The following CNTN3 variants were observed in gnomAD, a reference collection of about 807,000 sequenced individuals.
The protein encoded by CNTN3 is contactin 3.
A neutral mutation model predicts 119.1 loss-of-function variants in CNTN3; 60 were observed. The ratio of observed to expected loss-of-function variants is 0.50; its 90% CI spans 0.41 to 0.62. CNTN3 has a LOEUF of 0.62. Ranked by LOEUF, CNTN3 falls within the 20% of genes least tolerant of loss-of-function variation. The pLI is 0.00. For synonymous variants in CNTN3, 450 were observed against 438.7 expected, an observed-to-expected ratio of 1.03 and a Z score of -0.32; for missense variants, 1,101 against 1,242.4, an observed-to-expected ratio of 0.89 and a Z score of 1.71.
At chr3:74,489,572 T>C (rs1702924447) in intron 3 of CNTN3, among the ~76,000 whole-genome samples, 1 of 152,078 alleles carries the variant, frequency 6.6e-6, no homozygotes. Flanking sequence ...CCTGACTTCA[T>C]GAAGCTCACA....
chr3:74,415,363 G>T (rs1314030499), intron 5 of CNTN3, among the ~76,000 whole-genome samples: 1 of 152,134 alleles, frequency 6.6e-6, no homozygotes, highest in Non-Finnish European at 1.5e-5. Context: ...CCAGTTTCTC[G>T]AAGTTGTTTC....
chr3:74,555,849 C>CA, intron 1 of CNTN3, among the ~76,000 whole-genome samples: 1 of 151,918 alleles, frequency 6.6e-6, no homozygotes, highest in Admixed American at 6.6e-5. Context: ...TTGATCTTTT[C>CA]AAAAAACCAG....
chr3:74,577,654 A>G (rs1192641235), intron 1 of CNTN3, among the ~76,000 whole-genome samples: 2 of 150,554 alleles, frequency 1.3e-5, no homozygotes, highest in Admixed American at 6.6e-5. Context: ...TTTGCAACCT[A>G]TTGCCTTTTT....
intron 4 of CNTN3, among the ~76,000 whole-genome samples, chr3:74,474,649 G>A (rs913109009): frequency 2.6e-5 from 4 of 151,966 alleles, no homozygotes; most frequent in Admixed American, 1.3e-4. Flanking sequence ...ATAAGCCACC[G>A]TGCCCAACTG....
intron 11 of CNTN3, among the ~76,000 whole-genome samples, chr3:74,338,810 A>G (rs1240487224): frequency 6.6e-6 from 1 of 152,104 alleles, no homozygotes; most frequent in Non-Finnish European, 1.5e-5. Context: ...TCATCAGGGA[A>G]CCATGGCACT....
chr3:74,308,550 T>C (rs1424702713), intron 13 of CNTN3, among the ~76,000 whole-genome samples: 3 of 152,170 alleles, frequency 2.0e-5, no homozygotes, highest in African/African-American at 7.2e-5. Context: ...TTGTGTCAAG[T>C]GCCACGGTGC....
chr3:74,583,628 G>C (rs1704549610), intron 1 of CNTN3, among the ~76,000 whole-genome samples: 1 of 152,192 alleles, frequency 6.6e-6, no homozygotes, highest in Non-Finnish European at 1.5e-5. Flanking sequence ...TGCAAGTCTT[G>C]TATACCTTTC....
rs113739511 is a variant in CNTN3 at position 74,495,290 on chromosome 3, T to C, written c.182+4369A>G. 9.4e-3 allele frequency among the ~76,000 whole-genome samples: 1,429 copies of C among 152,112 alleles called. 28 individuals are homozygous for C. Among genetic ancestry groups the C allele is most frequent in the African/African-American group, 0.033 (1,353 of 41,508 alleles). On this transcript the variant is annotated intron_variant, in intron 3 of 22. Coordinates refer to ENST00000263665, the MANE Select transcript of CNTN3 (RefSeq NM_020872.3). ...TTGACACATAAAAGTAAAATAACAATGATATCAGATCTTACATAGCAATAA... is the reference window on the plus strand; with the variant it reads ...TTGACACATAAAAGTAAAATAACAACGATATCAGATCTTACATAGCAATAA...
intron 5 of CNTN3, among the ~76,000 whole-genome samples, chr3:74,389,485 A>G (rs567147747): frequency 2.0e-5 from 3 of 152,314 alleles, no homozygotes; most frequent in African/African-American, 7.2e-5. Context: ...ATATACTGAG[A>G]AAAGTATTTT....
intron 1 of CNTN3, among the ~76,000 whole-genome samples, chr3:74,530,584 C>T (rs2107134698): frequency 6.6e-6 from 1 of 151,756 alleles, no homozygotes; most frequent in Non-Finnish European, 1.5e-5. Context: ...ACGCTGGAGC[C>T]AAATAGTGGG....
At chr3:74,512,259 T>A (rs1392830804) in intron 2 of CNTN3, among the ~76,000 whole-genome samples, 2 of 152,174 alleles carry the variant, frequency 1.3e-5, no homozygotes, top group Non-Finnish European at 2.9e-5. Context: ...CCTATATACA[T>A]GGCCTGAAAA....
At chr3:74,607,768 T>C (rs73839613) in intron 1 of CNTN3, among the ~76,000 whole-genome samples, 33,929 of 152,166 alleles carry the variant, frequency 0.22, 6,499 homozygotes, top group African/African-American at 0.51. Flanking sequence ...AATGCTAGAA[T>C]ACAGTTGCAA....
chr3:74,551,583 C>T (rs1384425523), intron 1 of CNTN3, among the ~76,000 whole-genome samples: 2 of 151,930 alleles, frequency 1.3e-5, no homozygotes, highest in Non-Finnish European at 2.9e-5. Context: ...ATGCAGGAAT[C>T]GTTTCACTGC....
Position 74,407,662 on chromosome 3 carries a change from G to A in CNTN3, c.454+17183C>T, listed in dbSNP as rs182657027. On this transcript the variant is annotated intron_variant, in intron 5 of 22. Transcript: ENST00000263665. ...TAGCAAGTTTGGAAAACACTGGGGAGTGGACGATGAGCAGTTGCTTGGTGA... is the reference window on the plus strand; with the variant it reads ...TAGCAAGTTTGGAAAACACTGGGGAATGGACGATGAGCAGTTGCTTGGTGA... Among the ~76,000 whole-genome samples the A allele has an allele frequency of 1.1e-4, 16 of 152,150 alleles. No individual in the cohort carries two copies. The East Asian group carries it at 2.5e-3, about 24-fold the overall frequency.
chr3:74,514,979 C>A (rs935682378), intron 2 of CNTN3, among the ~76,000 whole-genome samples: 3 of 151,990 alleles, frequency 2.0e-5, no homozygotes, highest in African/African-American at 7.2e-5. Context: ...AAAAGTAATA[C>A]AGAATGTAGA....
At chr3:74,587,328 T>A (rs1407531185) in intron 1 of CNTN3, among the ~76,000 whole-genome samples, 1 of 152,226 alleles carries the variant, frequency 6.6e-6, no homozygotes, top group East Asian at 1.9e-4. Flanking sequence ...GTCATGTCCA[T>A]AAGACTGTTT....
chr3:74,613,332 T>C (rs548809425), intron 1 of CNTN3, among the ~76,000 whole-genome samples: 4 of 151,498 alleles, frequency 2.6e-5, no homozygotes, highest in Admixed American at 6.6e-5. Flanking sequence ...TGGATTTACC[T>C]ACTCACCATA....
intron 4 of CNTN3, among the ~76,000 whole-genome samples, chr3:74,473,665 A>C (rs1242005097): frequency 6.6e-6 from 1 of 152,220 alleles, no homozygotes; most frequent in Non-Finnish European, 1.5e-5. Flanking sequence ...GAGAGACAAA[A>C]ATAAACAAAT....
chr3:74,361,973 G>A lies in CNTN3; in HGVS notation c.1281C>T (p.Val427=). The A allele has an allele frequency of 6.2e-7, 1 of 1,613,882 alleles. No individual in the cohort carries two copies. Among genetic ancestry groups the A allele is most frequent in the Non-Finnish European group, 8.5e-7 (1 of 1,179,838 alleles). The change falls in exon 11 of 23, where the codon GTC becomes GTT. Residue 427 remains valine (V), a synonymous_variant. Transcript: ENST00000263665. ...AGGCTCTGGGTTTACAATCCAAGCT[G>A]ACCAGGCTGCCCACCTGCACCTGAA... The part of the protein sequence containing the change: ...KLVQVQVGSL[V]SLDCKPRASP...
Sources: gnomAD v4.1 joint callset for allele counts (sites outside exome capture counted in the v4.1 genomes callset) on GRCh38, gnomAD v4.1.1 for gene constraint, MANE v1.5 for transcripts, NCBI Gene and HGNC (gene_info 2026-07-23, HGNC 2026-07-21) for gene names.